DCC: variants seen among roughly 807,000 people sequenced by gnomAD.
DCC encodes the protein DCC netrin 1 receptor.
Under a neutral mutation model 172.5 loss-of-function variants are expected in DCC, and 58 were observed. The ratio of observed to expected loss-of-function variants is 0.34; its 90% CI spans 0.27 to 0.42. The LOEUF is 0.42. DCC is among the 10% of genes least tolerant of loss of function. The pLI is 1.00. For missense variants in DCC, 1,740 were observed against 1,791.0 expected (o/e 0.97, Z 0.51); for synonymous variants, 709 against 644.5 (o/e 1.10, Z -1.52).
intron 2 of DCC, among the ~76,000 whole-genome samples, chr18:52,766,722 A>G (rs182160605): frequency 1.4e-4 from 21 of 152,150 alleles, no homozygotes; most frequent in Non-Finnish European, 1.3e-4. Flanking sequence ...CTTTACAGGC[A>G]CATGATGAGA....
chr18:53,120,135 C>A (rs1050198690), intron 7 of DCC, among the ~76,000 whole-genome samples: 1 of 151,568 alleles, frequency 6.6e-6, no homozygotes, highest in African/African-American at 2.4e-5. Flanking sequence ...AATCTCTATG[C>A]GTAAATATCA....
chr18:52,961,044 A>G (rs930972144), intron 5 of DCC, among the ~76,000 whole-genome samples: 3 of 148,266 alleles, frequency 2.0e-5, no homozygotes, highest in African/African-American at 7.9e-5. Flanking sequence ...AACGATTTTT[A>G]AAAACTCTAT....
At chr18:52,858,461 G>C (rs1198135364) in intron 2 of DCC, among the ~76,000 whole-genome samples, 1 of 152,144 alleles carries the variant, frequency 6.6e-6, no homozygotes, top group African/African-American at 2.4e-5. Context: ...CTTGGTTGTG[G>C]GTGGGTGCTC....
intron 12 of DCC, among the ~76,000 whole-genome samples, chr18:53,279,245 G>C (rs62097981): frequency 0.29 from 44,248 of 151,654 alleles, 8,289 homozygotes; most frequent in Non-Finnish European, 0.43. Flanking sequence ...TTGGAACCAA[G>C]CCAAATGTCC....
chr18:52,497,276 AAAAAATAT>A (rs2030806257), intron 1 of DCC, among the ~76,000 whole-genome samples: 3 of 72,998 alleles, frequency 4.1e-5, no homozygotes, highest in African/African-American at 1.7e-4. Flanking sequence ...AAAAAAAAAA[AAAAAATAT>A]ATATATATAT....
At chr18:53,142,812 C>A (rs1427920697) in intron 7 of DCC, among the ~76,000 whole-genome samples, 1 of 152,168 alleles carries the variant, frequency 6.6e-6, no homozygotes, top group Non-Finnish European at 1.5e-5. Flanking sequence ...TATCATTTTT[C>A]TGTCTCAGAA....
chr18:52,849,046 C>T (rs982675229), intron 2 of DCC, among the ~76,000 whole-genome samples: 4 of 152,090 alleles, frequency 2.6e-5, no homozygotes, highest in Admixed American at 2.0e-4. Context: ...TTTTCTTCTT[C>T]CTGCTGCTGA....
intron 12 of DCC, among the ~76,000 whole-genome samples, chr18:53,230,065 T>C (rs988415328): frequency 1.3e-5 from 2 of 152,080 alleles, no homozygotes; most frequent in African/African-American, 4.8e-5. Context: ...ATCTCCAGAT[T>C]ACATCTTTAT....
intron 7 of DCC, among the ~76,000 whole-genome samples, chr18:53,077,614 C>A (rs1310883779): frequency 6.6e-6 from 1 of 152,100 alleles, no homozygotes; most frequent in African/African-American, 2.4e-5. Flanking sequence ...AGTGGACTCT[C>A]CCATGGTTAT....
intron 7 of DCC, among the ~76,000 whole-genome samples, chr18:53,070,234 A>G (rs557828376): frequency 2.0e-5 from 3 of 152,228 alleles, no homozygotes; most frequent in African/African-American, 7.2e-5. Flanking sequence ...TCCTGACCTC[A>G]GGTGATCCAC....
intron 27 of DCC, among the ~76,000 whole-genome samples, chr18:53,515,317 C>A (rs986132468): frequency 6.7e-6 from 1 of 150,102 alleles, no homozygotes; most frequent in African/African-American, 2.4e-5. Context: ...TAAGAGCTAT[C>A]TATGAGAAAC....
intron 3 of DCC, among the ~76,000 whole-genome samples, chr18:52,912,340 T>C: frequency 6.6e-6 from 1 of 152,058 alleles, no homozygotes; most frequent in South Asian, 2.1e-4. Flanking sequence ...TTTTAGAGTT[T>C]CCAGTTTTAA....
At chr18:53,164,129 T>C (rs1003594524) in intron 8 of DCC, among the ~76,000 whole-genome samples, 2 of 152,244 alleles carry the variant, frequency 1.3e-5, no homozygotes, top group African/African-American at 4.8e-5. Context: ...TTGATATTTA[T>C]AGAATTATGA....
At chr18:53,066,644 CAT>C (rs1263202647) in intron 7 of DCC, among the ~76,000 whole-genome samples, 1 of 151,446 alleles carries the variant, frequency 6.6e-6, no homozygotes. Flanking sequence ...TACGTACACA[CAT>C]ATCTATAAAT....
At chr18:53,364,736 C>G (rs566528611) in intron 15 of DCC, among the ~76,000 whole-genome samples, 1 of 152,020 alleles carries the variant, frequency 6.6e-6, no homozygotes, top group Non-Finnish European at 1.5e-5. Flanking sequence ...TCTTATTTAT[C>G]CCCTGGCTTT....
intron 5 of DCC, among the ~76,000 whole-genome samples, chr18:53,006,760 A>G (rs1017969280): frequency 2.0e-5 from 3 of 152,176 alleles, no homozygotes; most frequent in African/African-American, 7.2e-5. Flanking sequence ...TAATTTCATC[A>G]TTACCTATGA....
At chr18:53,247,248 A>C (rs575335558) in intron 12 of DCC, among the ~76,000 whole-genome samples, 2 of 152,156 alleles carry the variant, frequency 1.3e-5, no homozygotes, top group African/African-American at 2.4e-5. Flanking sequence ...ATTGGCCAAA[A>C]TACGGTGAGA....
intron 1 of DCC, among the ~76,000 whole-genome samples, chr18:52,423,990 C>A (rs1169408114): frequency 6.6e-6 from 1 of 152,060 alleles, no homozygotes; most frequent in Non-Finnish European, 1.5e-5. Context: ...TCTTGTTCAT[C>A]CTTTCTACCA....
chr18:52,828,251 A>C (rs2038548716), intron 2 of DCC, among the ~76,000 whole-genome samples: 1 of 152,178 alleles, frequency 6.6e-6, no homozygotes. Flanking sequence ...GTGGGAAACA[A>C]ATACAAGATG....
Sources: gnomAD v4.1 joint callset for allele counts (sites outside exome capture counted in the v4.1 genomes callset) on GRCh38, gnomAD v4.1.1 for gene constraint, MANE v1.5 for transcripts, NCBI Gene and HGNC (gene_info 2026-07-23, HGNC 2026-07-21) for gene names.